The following TLE1 variants were observed in gnomAD, a reference collection of about 807,000 sequenced individuals.
TLE1 encodes the protein transducin-like enhancer protein 1.
In TLE1, 21 loss-of-function variants were observed where a neutral mutation model predicts 89.8. That is an observed-to-expected ratio of 0.23 (90% confidence interval 0.17 to 0.34). The LOEUF is 0.34. Among genes scored for constraint, TLE1 ranks in the 10% least tolerant of loss-of-function variants. The probability of loss-of-function intolerance (pLI) is 1.00; values close to 1 mark genes in which losing one functional copy is unlikely to be tolerated. For synonymous variants in TLE1, 447 were observed against 407.6 expected (o/e 1.10, Z -1.16); for missense variants, 795 against 1,031.2 (o/e 0.77, Z 3.14).
intron 17 of TLE1, among the ~76,000 whole-genome samples, chr9:81,585,990 C>T (rs1306643575): frequency 1.3e-5 from 2 of 150,268 alleles, no homozygotes; most frequent in Admixed American, 6.6e-5. Context: ...AAGGGGGATA[C>T]ATTCTGAGAA....
intron 12 of TLE1, chr9:81,612,349 CG>C: frequency 2.0e-6 from 2 of 1,003,536 alleles, no homozygotes; most frequent in Non-Finnish European, 2.4e-6. Flanking sequence ...TCTTTCAGTC[CG>C]AACTTTCCAT....
intron 6 of TLE1, among the ~76,000 whole-genome samples, chr9:81,648,271 C>CAAAA (rs56842573): frequency 0.057 from 6,970 of 122,132 alleles, 522 homozygotes; most frequent in African/African-American, 0.19. Flanking sequence ...ACACTGTCTC[C>CAAAA]AAAAAAAAAA....
At chr9:81,633,127 T>C (rs1312852473) in intron 8 of TLE1, among the ~76,000 whole-genome samples, 2 of 152,134 alleles carry the variant, frequency 1.3e-5, no homozygotes, top group East Asian at 1.9e-4. Context: ...TCTTGTCTGA[T>C]GCAAGTTTTG....
Position 81,687,340 on chromosome 9 carries a change from T to A in TLE1, c.119A>T (p.Tyr40Phe), listed in dbSNP as rs1387864858. Residue 40 changes from tyrosine to phenylalanine, a missense_variant, in exon 2 of 20, where the codon TAT (tyrosine) becomes TTT (phenylalanine). Physicochemically the swap from Tyr to Phe is conservative, Grantham distance 22 (BLOSUM62 3). Coordinates refer to ENST00000376499, the MANE Select transcript of TLE1 (RefSeq NM_005077.5). ...KEEFQFLQAQ[Y>F]HSLKLECEKL... The stretch of plus-strand genomic sequence containing the variant: ...GGCGCGGCCGGACACGCACCTGTGA[T>A]ACTGCGCCTGCAGGAACTGGAATTC... 6.2e-7 allele frequency: 1 copy of A among 1,604,632 alleles called. No individual in the cohort carries two copies. Among genetic ancestry groups the A allele is most frequent in the South Asian group, 1.1e-5 (1 of 89,088 alleles).
In TLE1 at chr9:81,671,292, T is replaced by C. The variant is rs115021573; in HGVS notation, c.234+14384A>G. Among the ~76,000 whole-genome samples the C allele has an allele frequency of 7.6e-3, 1,154 of 152,204 alleles. 21 individuals carry two copies. Among genetic ancestry groups the C allele is most frequent in the African/African-American group, 0.026 (1,088 of 41,538 alleles). On this transcript the variant is annotated intron_variant, in intron 4 of 19. Transcript: ENST00000376499. ...ACTTTGGAAGGCTGAAGCGGGCGGA[T>C]TGCTTGAGCCCTGGAGTTCAAGACC...
chr9:81,617,106 A>AT (rs1228550543), intron 9 of TLE1, among the ~76,000 whole-genome samples: 1 of 145,928 alleles, frequency 6.9e-6, no homozygotes, highest in Non-Finnish European at 1.5e-5. Flanking sequence ...AAGGGAAACC[A>AT]TTTTCCCATG....
Position 81,672,322 on chromosome 9 carries a change from A to AATTATT in TLE1, c.234+13348_234+13353dup, listed in dbSNP as rs534539630. Among the ~76,000 whole-genome samples, 1,155 of 150,422 alleles carry AATTATT rather than the reference A, an allele frequency of 7.7e-3. 9 individuals carry two copies. Among genetic ancestry groups the AATTATT allele is most frequent in the Middle Eastern group, 0.028 (8 of 286 alleles). On this transcript the variant is annotated intron_variant, in intron 4 of 19. Transcript: ENST00000376499. ...GGCTCTGCCTTTCTCCCCTGCAATAAATTATTATTATTATTATTATTATTA... is the reference window on the plus strand; with the variant it reads ...GGCTCTGCCTTTCTCCCCTGCAATAAATTATTATTATTATTATTATTATTATTATTA...
intron 4 of TLE1, among the ~76,000 whole-genome samples, chr9:81,681,247 A>AT (rs1216404862): frequency 1.3e-5 from 2 of 152,046 alleles, no homozygotes; most frequent in Non-Finnish European, 2.9e-5. Context: ...CTTTTCATTT[A>AT]TTTTTAAATG....
Position 81,590,247 on chromosome 9 carries a change from A to T in TLE1, c.1829+558T>A, listed in dbSNP as rs114696997. On this transcript the variant is annotated intron_variant, in intron 16 of 19. Transcript: ENST00000376499. ...GGGTACCAGAACTGCAGCTGCTGCT[A>T]AGGTGACAGGGCTGATGCCAGAAGG... is the stretch of plus-strand genomic sequence containing the variant. Among the ~76,000 whole-genome samples, 613 of 152,344 alleles carry T rather than the reference A, an allele frequency of 4.0e-3. 5 individuals are homozygous for T. Among genetic ancestry groups the T allele is most frequent in the African/African-American group, 0.014 (592 of 41,582 alleles).
At chr9:81,626,583 A>T (rs1285199459) in intron 8 of TLE1, among the ~76,000 whole-genome samples, 1 of 152,256 alleles carries the variant, frequency 6.6e-6, no homozygotes, top group Non-Finnish European at 1.5e-5. Flanking sequence ...CTGTGCAGCC[A>T]GTCTGAAGGG....
chr9:81,632,428 C>T (rs989398332), intron 8 of TLE1, among the ~76,000 whole-genome samples: 2 of 151,266 alleles, frequency 1.3e-5, no homozygotes, highest in South Asian at 2.1e-4. Context: ...TATCTTCCCC[C>T]CAAAACTTAT....
rs1834742688 is a variant in TLE1 at position 81,689,321 on chromosome 9, C to T, written c.-1081G>A. 6.6e-6 allele frequency: 1 copy of T among 152,316 alleles called. No homozygotes were observed. The highest frequency in any genetic ancestry group is 6.5e-5 in the Admixed American group (1 of 15,288). 9.4% of individuals were successfully genotyped at this position (152,316 alleles called of 1,614,324 possible). ...GGCGGGCAAACTCTGCGGGCGAGTC[C>T]AGAGTAGTCACAGCGGTGGGGCCAG... On this transcript the variant is annotated 5_prime_UTR_variant, in exon 1 of 20. Transcript: ENST00000376499.
At chr9:81,662,107 AAG>A (rs1830870097) in intron 4 of TLE1, among the ~76,000 whole-genome samples, 1 of 152,228 alleles carries the variant, frequency 6.6e-6, no homozygotes, top group African/African-American at 2.4e-5. Flanking sequence ...TCAAAGCGAA[AAG>A]AGAAAAAAAC....
intron 8 of TLE1, among the ~76,000 whole-genome samples, chr9:81,631,126 G>A (rs1182877483): frequency 6.6e-6 from 1 of 152,186 alleles, no homozygotes; most frequent in African/African-American, 2.4e-5. Flanking sequence ...GAACTAGAAA[G>A]TTCGTTGACT....
intron 4 of TLE1, among the ~76,000 whole-genome samples, chr9:81,675,459 T>C (rs1832754782): frequency 6.6e-6 from 1 of 152,104 alleles, no homozygotes; most frequent in Non-Finnish European, 1.5e-5. Context: ...GGGACAGTAA[T>C]GCCTGCACAT....
intron 5 of TLE1, among the ~76,000 whole-genome samples, chr9:81,653,379 A>G (rs900095650): frequency 4.6e-5 from 7 of 152,238 alleles, no homozygotes; most frequent in African/African-American, 1.7e-4. Context: ...CTAAAATACA[A>G]TAGTCTTGAG....
intron 8 of TLE1, among the ~76,000 whole-genome samples, chr9:81,621,248 C>A (rs1320323249): frequency 5.3e-5 from 8 of 152,256 alleles, no homozygotes; most frequent in African/African-American, 1.7e-4. Context: ...TACTTTCATT[C>A]GCATATGCCG....
At chr9:81,633,408 GAC>G (rs1826958357) in intron 7 of TLE1, 44 bp from the exon 8 acceptor site, 4 of 1,613,444 alleles carry the variant, frequency 2.5e-6, no homozygotes, top group Non-Finnish European at 3.4e-6. Context: ...TGCCCGTTCA[GAC>G]ACAGAGGCAA....
intron 4 of TLE1, among the ~76,000 whole-genome samples, chr9:81,669,133 T>C (rs890179578): frequency 6.6e-6 from 1 of 152,234 alleles, no homozygotes; most frequent in Non-Finnish European, 1.5e-5. Context: ...AAAGACTTCC[T>C]GCCATTTGGA....
Sources: allele counts gnomAD v4.1 joint callset (sites outside exome capture counted in the v4.1 genomes callset), GRCh38; gene constraint gnomAD v4.1.1; transcripts MANE v1.5; gene names NCBI Gene and HGNC (gene_info 2026-07-23, HGNC 2026-07-21).